Variants in PPP1R14C observed in about 807,000 individuals in gnomAD.
PPP1R14C encodes the protein protein phosphatase 1 regulatory subunit 14C.
Under a neutral mutation model 20.4 loss-of-function variants are expected in PPP1R14C, and 16 were observed. The observed-to-expected ratio is 0.78, with a 90% confidence interval of 0.53 to 1.19. The LOEUF is 1.19. PPP1R14C is among the 50% of genes most tolerant of loss of function. The pLI is 0.00. For missense variants in PPP1R14C, 211 were observed against 220.1 expected (o/e 0.96, Z 0.26); for synonymous variants, 91 against 91.0 (o/e 1.00, Z 0.00).
chr6:150,207,633 A>G (rs1280995295), intron 1 of PPP1R14C, among the ~76,000 whole-genome samples: 1 of 152,280 alleles, frequency 6.6e-6, no homozygotes, highest in African/African-American at 2.4e-5. Flanking sequence ...AAACAGGATA[A>G]ATACATGAAG....
chr6:150,168,533 C>CAAACAA (rs1175562312), intron 1 of PPP1R14C, among the ~76,000 whole-genome samples: 2 of 148,892 alleles, frequency 1.3e-5, no homozygotes. Context: ...ACTCCCGTCT[C>CAAACAA]AACAAAACAA....
chr6:150,232,428 G>A (rs773840206), intron 3 of PPP1R14C, among the ~76,000 whole-genome samples: 2 of 152,172 alleles, frequency 1.3e-5, no homozygotes, highest in Non-Finnish European at 2.9e-5. Context: ...TTTAATTGAA[G>A]CCAAATTTAT....
intron 1 of PPP1R14C, among the ~76,000 whole-genome samples, chr6:150,159,414 T>C (rs1777340518): frequency 6.6e-6 from 1 of 152,096 alleles, no homozygotes; most frequent in Admixed American, 6.6e-5. Context: ...CCCAGAAGGC[T>C]CATGACCTCC....
intron 3 of PPP1R14C, among the ~76,000 whole-genome samples, chr6:150,234,827 C>T (rs144256839): frequency 7.1e-5 from 8 of 112,646 alleles, no homozygotes; most frequent in South Asian, 3.0e-4. Context: ...CCAACCTGGG[C>T]GACAAAGTGA....
chr6:150,230,939 G>A (rs1778287193), intron 3 of PPP1R14C, among the ~76,000 whole-genome samples: 1 of 152,196 alleles, frequency 6.6e-6, no homozygotes, highest in Non-Finnish European at 1.5e-5. Context: ...GAATGACTAG[G>A]GAAGGCTACC....
chr6:150,206,421 C>T (rs1401079919), intron 1 of PPP1R14C, among the ~76,000 whole-genome samples: 1 of 152,126 alleles, frequency 6.6e-6, no homozygotes, highest in African/African-American at 2.4e-5. Context: ...CTCAGTAAAT[C>T]GGTGCTGCAG....
At position 150,210,265 on chromosome 6, in the gene PPP1R14C, C is replaced by T. The variant is rs1437840194; in HGVS notation, c.307-4479C>T. ...GGTTTGTGAGGTGTCTTCAGAGCCC[C>T]GGTGTGCTCCCGTCATTACTGTCCT... On this transcript the variant is annotated intron_variant, in intron 1 of 3. Coordinates refer to ENST00000361131, the MANE Select transcript of PPP1R14C (RefSeq NM_030949.3). Among the ~76,000 whole-genome samples the T allele has an allele frequency of 2.6e-5, 4 of 152,100 alleles. No individual in the cohort carries two copies. In the East Asian group the frequency reaches 7.7e-4, roughly 29 times the overall value.
intron 1 of PPP1R14C, among the ~76,000 whole-genome samples, chr6:150,162,061 CT>C (rs35656436): frequency 1.8e-4 from 26 of 143,506 alleles, no homozygotes; most frequent in Admixed American, 2.8e-4. Context: ...TTTCTTTTTT[CT>C]TTTTTTTTTT....
chr6:150,228,910 A>T (rs1295685442), intron 3 of PPP1R14C, among the ~76,000 whole-genome samples: 1 of 152,136 alleles, frequency 6.6e-6, no homozygotes, highest in Admixed American at 6.5e-5. Context: ...CTTTCTCTTG[A>T]TAATTAATAA....
chr6:150,144,755 G>C (rs1296494340), intron 1 of PPP1R14C, among the ~76,000 whole-genome samples: 2 of 152,230 alleles, frequency 1.3e-5, no homozygotes, highest in African/African-American at 2.4e-5. Context: ...AATGAAGCTT[G>C]ACTGTATGAC....
intron 1 of PPP1R14C, among the ~76,000 whole-genome samples, chr6:150,204,241 G>A (rs771973678): frequency 6.6e-6 from 1 of 152,148 alleles, no homozygotes; most frequent in Non-Finnish European, 1.5e-5. Flanking sequence ...ATTTTCACTC[G>A]TCTTACGAGG....
At chr6:150,216,239 T>A (rs1778091018) in intron 2 of PPP1R14C, among the ~76,000 whole-genome samples, 1 of 152,218 alleles carries the variant, frequency 6.6e-6, no homozygotes. Flanking sequence ...CTCACGCCTG[T>A]AATCCCAGTG....
At position 150,225,119 on chromosome 6, in the gene PPP1R14C, G is replaced by A. The variant is rs546830705; in HGVS notation, c.423+8263G>A. Among the ~76,000 whole-genome samples the A allele has an allele frequency of 1.7e-4, 26 of 151,870 alleles. No individual in the cohort carries two copies. The South Asian group carries it at 5.4e-3, about 32-fold the overall frequency. On this transcript the variant is annotated intron_variant, in intron 3 of 3. Transcript: ENST00000361131. ...TAGGCTCTGGTTAGTTTCTCCTCAG[G>A]ACAGATCTTGTTAAATAAACTTTTA...
At chr6:150,236,620 T>TGTGTGTGC (rs1778363435) in intron 3 of PPP1R14C, among the ~76,000 whole-genome samples, 1 of 150,640 alleles carries the variant, frequency 6.6e-6, no homozygotes. Context: ...CCACTGTGTG[T>TGTGTGTGC]GTGTGTGTGT....
intron 1 of PPP1R14C, among the ~76,000 whole-genome samples, chr6:150,198,597 G>T (rs1468529581): frequency 1.3e-5 from 2 of 152,244 alleles, no homozygotes; most frequent in African/African-American, 4.8e-5. Flanking sequence ...TGTTTGCAAT[G>T]GAGGTGCCAG....
intron 3 of PPP1R14C, among the ~76,000 whole-genome samples, chr6:150,229,662 G>A (rs551086364): frequency 1.3e-5 from 2 of 152,292 alleles, no homozygotes; most frequent in East Asian, 1.9e-4. Flanking sequence ...GACAAACATC[G>A]TGTCAGTGGT....
chr6:150,175,432 T>C (rs1317094803), intron 1 of PPP1R14C, among the ~76,000 whole-genome samples: 1 of 152,206 alleles, frequency 6.6e-6, no homozygotes, highest in Non-Finnish European at 1.5e-5. Context: ...GATGCAGAGC[T>C]CTGATATGTT....
intron 1 of PPP1R14C, among the ~76,000 whole-genome samples, chr6:150,171,593 A>T (rs1224851300): frequency 2.0e-5 from 3 of 152,030 alleles, no homozygotes; most frequent in Non-Finnish European, 4.4e-5. Context: ...AAGTTAAGTG[A>T]TTTTCTTCAG....
intron 3 of PPP1R14C, among the ~76,000 whole-genome samples, chr6:150,232,712 C>T (rs1417044908): frequency 6.6e-6 from 1 of 152,190 alleles, no homozygotes; most frequent in African/African-American, 2.4e-5. Flanking sequence ...TGTTGTATGT[C>T]AAGTTTCCTT....
Sources: allele counts gnomAD v4.1 joint callset (sites outside exome capture counted in the v4.1 genomes callset), GRCh38; gene constraint gnomAD v4.1.1; transcripts MANE v1.5; gene names NCBI Gene and HGNC (gene_info 2026-07-23, HGNC 2026-07-21).